ENDOV: variants seen among roughly 807,000 people sequenced by gnomAD.
ENDOV encodes the protein endonuclease V.
A neutral mutation model predicts 39.4 loss-of-function variants in ENDOV; 37 were observed. The observed-to-expected ratio is 0.94, with a 90% CI of 0.72 to 1.23. The LOEUF is 1.23. Among genes scored for constraint, ENDOV ranks in the 50% most tolerant of loss-of-function variants. ENDOV has a pLI of 0.00. For missense variants in ENDOV, 441 were observed against 375.7 expected (o/e 1.17, Z -1.44); for synonymous variants, 186 against 163.4 (o/e 1.14, Z -1.05).
intron 5 of ENDOV, 103 bp from the exon 6 acceptor site, chr17:80,424,929 T>C (rs2082497177): frequency 3.1e-6 from 3 of 961,826 alleles, no homozygotes; most frequent in Admixed American, 2.2e-5. Context: ...TACTTCAGCC[T>C]GGGCAACAGT....
At position 80,425,483 on chromosome 17, in the gene ENDOV, T is replaced by C; in HGVS notation, c.586-9T>C. On this transcript the variant is annotated splice_polypyrimidine_tract_variant and intron_variant, in intron 6 of 9. Coordinates refer to ENST00000518137, the MANE Select transcript of ENDOV (RefSeq NM_173627.5). ...GCCCACAGGACAGCCCTCGCCTTCC[T>C]TGTCACAGGCCCTGAGGAGCCACGA... The C allele has an allele frequency of 6.3e-7, 1 of 1,593,366 alleles. No homozygotes were observed. The highest frequency in any genetic ancestry group is 8.5e-7 in the Non-Finnish European group (1 of 1,174,742).
intron 4 of ENDOV, 29 bp from the exon 5 acceptor site, chr17:80,423,491 C>A: frequency 5.3e-6 from 8 of 1,523,250 alleles, no homozygotes; most frequent in South Asian, 2.4e-5. Flanking sequence ...CCCCACCTCC[C>A]CAACCCCACC....
At chr17:80,415,922 G>A (rs932310899) in intron 2 of ENDOV, 101 bp downstream of exon 2, 20 of 1,419,068 alleles carry the variant, frequency 1.4e-5, no homozygotes, top group Non-Finnish European at 1.9e-5. Flanking sequence ...CCGGCTTCTC[G>A]TTTTGTAGGA....
intron 8 of ENDOV, among the ~76,000 whole-genome samples, chr17:80,429,242 G>A (rs1316764754): frequency 6.6e-6 from 1 of 152,232 alleles, no homozygotes; most frequent in Non-Finnish European, 1.5e-5. Context: ...GACAAGTACT[G>A]TGACCCCACT....
intron 4 of ENDOV, among the ~76,000 whole-genome samples, chr17:80,423,164 C>G (rs1430925329): frequency 1.3e-5 from 2 of 152,214 alleles, no homozygotes; most frequent in Non-Finnish European, 2.9e-5. Context: ...TTGTCATGTG[C>G]CGACCCACAT....
chr17:80,424,213 T>C (rs976342722), intron 5 of ENDOV: 4 of 399,380 alleles, frequency 1.0e-5, no homozygotes, highest in African/African-American at 6.2e-5. Context: ...GAGCAGAGAC[T>C]GTGTCTCTCA....
At position 80,436,470 on chromosome 17, in the gene ENDOV, T is replaced by A; in HGVS notation, c.*327T>A. Reference sequence around the variant, plus strand: ...CCTTCTAGTCCTAATTTGTTAAGTGTTTTTATCCTTAAAGGGTACTGGATT... The same window carrying A: ...CCTTCTAGTCCTAATTTGTTAAGTGATTTTATCCTTAAAGGGTACTGGATT... On this transcript the variant is annotated 3_prime_UTR_variant, in exon 10 of 10. Transcript: ENST00000518137. The A allele has an allele frequency of 1.1e-6, 1 of 877,296 alleles. No individual in the cohort carries two copies. The highest frequency in any genetic ancestry group is 1.5e-6 in the Non-Finnish European group (1 of 645,662). The allele number at this position is 877,296 out of a possible 1,614,324, so 54.3% of individuals were successfully genotyped here. A position where few individuals can be genotyped will look rare whatever the true frequency, so the allele number is the denominator to read the frequency against.
intron 2 of ENDOV, chr17:80,419,744 C>G: frequency 1.4e-6 from 1 of 692,824 alleles, no homozygotes; most frequent in South Asian, 1.5e-5. Context: ...TGGTCATGCC[C>G]TCCGTTCACA....
intron 8 of ENDOV, among the ~76,000 whole-genome samples, chr17:80,429,509 C>T (rs776659164): frequency 2.6e-5 from 4 of 152,216 alleles, no homozygotes; most frequent in Non-Finnish European, 5.9e-5. Flanking sequence ...AAGCCAGGGG[C>T]TGTTCCCAGG....
At chr17:80,433,780 T>C (rs1316708796) in intron 9 of ENDOV, among the ~76,000 whole-genome samples, 1 of 152,146 alleles carries the variant, frequency 6.6e-6, no homozygotes, top group Non-Finnish European at 1.5e-5. Context: ...ACCATGGGTG[T>C]CAGGTGGGCC....
intron 7 of ENDOV, chr17:80,427,506 C>T: frequency 1.0e-6 from 1 of 985,480 alleles, no homozygotes; most frequent in Non-Finnish European, 1.2e-6. Context: ...CCTGGGCCCA[C>T]CCTCCAGAGG....
Position 80,436,384 on chromosome 17 carries a change from A to G in ENDOV, c.*241A>G. 3 of 1,441,644 alleles carry G rather than the reference A, an allele frequency of 2.1e-6. No homozygotes were observed. Among genetic ancestry groups the G allele is most frequent in the Middle Eastern group, 2.5e-4 (1 of 3,930 alleles). The allele number at this position is 1,441,644 out of a possible 1,614,324, so 89.3% of individuals were successfully genotyped here. A position where few individuals can be genotyped will look rare whatever the true frequency, so the allele number is the denominator to read the frequency against. On this transcript the variant is annotated 3_prime_UTR_variant, in exon 10 of 10. Coordinates refer to ENST00000518137, the MANE Select transcript of ENDOV (RefSeq NM_173627.5). ...AAGGGAACGTTTGCAGTCTTTCACC[A>G]CTAGATGTGATGTGAGCTGTTAGAT...
intron 6 of ENDOV, 95 bp downstream of exon 6, chr17:80,425,195 C>A: frequency 9.0e-7 from 1 of 1,110,246 alleles, no homozygotes; most frequent in Non-Finnish European, 1.3e-6. Flanking sequence ...TGCACTCACA[C>A]TTGCCCACAT....
intron 9 of ENDOV, among the ~76,000 whole-genome samples, chr17:80,434,822 T>G (rs981819600): frequency 2.0e-5 from 3 of 152,168 alleles, no homozygotes; most frequent in Non-Finnish European, 4.4e-5. Flanking sequence ...GATGCACTCC[T>G]ATAATCACAG....
chr17:80,433,609 C>T (rs2083451696), intron 9 of ENDOV, among the ~76,000 whole-genome samples: 1 of 152,226 alleles, frequency 6.6e-6, no homozygotes, highest in Admixed American at 6.5e-5. Context: ...GGCCGGGAGA[C>T]TCAGAAGAAA....
intron 5 of ENDOV, chr17:80,424,249 A>C (rs1193019357): frequency 2.8e-5 from 11 of 399,226 alleles, no homozygotes; most frequent in Non-Finnish European, 4.9e-5. Context: ...AGGTGCCTGC[A>C]TGGAGAAGTT....
At chr17:80,426,330 C>T (rs991262941) in intron 7 of ENDOV, among the ~76,000 whole-genome samples, 10 of 152,190 alleles carry the variant, frequency 6.6e-5, no homozygotes, top group African/African-American at 2.4e-4. Flanking sequence ...AAGGACAGCC[C>T]TGGGCAGGAA....
At chr17:80,429,667 C>G (rs1300253615) in intron 8 of ENDOV, 106 bp from the exon 9 acceptor site, 4 of 1,100,784 alleles carry the variant, frequency 3.6e-6, no homozygotes, top group Non-Finnish European at 5.3e-6. Flanking sequence ...GTAGCAGGTC[C>G]TGAGTGTCCA....
chr17:80,430,602 G>A (rs1010923039), intron 9 of ENDOV, among the ~76,000 whole-genome samples: 9 of 152,166 alleles, frequency 5.9e-5, no homozygotes, highest in African/African-American at 2.2e-4. Context: ...CCAGGAAGAG[G>A]GAGCAGAGAG....
Sources: gnomAD v4.1 joint callset for allele counts (sites outside exome capture counted in the v4.1 genomes callset) on GRCh38, gnomAD v4.1.1 for gene constraint, MANE v1.5 for transcripts, NCBI Gene and HGNC (gene_info 2026-07-23, HGNC 2026-07-21) for gene names.